S100A13: variants seen among roughly 807,000 people sequenced by gnomAD.
S100A13 encodes the protein protein S100-A13.
Under a neutral mutation model 8.2 loss-of-function variants are expected in S100A13, and 6 were observed. The ratio of observed to expected loss-of-function variants is 0.73; its 90% CI spans 0.40 to 1.44. S100A13 has a LOEUF of 1.44. Ranked by LOEUF, S100A13 falls within the 40% of genes most tolerant of loss-of-function variation. The probability of loss-of-function intolerance (pLI) is 0.02; values close to 1 mark genes in which losing one functional copy is unlikely to be tolerated. For synonymous variants in S100A13, 39 were observed against 45.9 expected (o/e 0.85, Z 0.61); for missense variants, 114 against 113.6 (o/e 1.00, Z -0.02).
upstream of S100A13, chr1:153,627,939 C>T (rs1571296246): frequency 4.7e-6 from 6 of 1,263,936 alleles, no homozygotes; most frequent in East Asian, 1.5e-4. Context: ...CAGAGAACCC[C>T]AGGCTGAGGC....
chr1:153,631,556 TGAG>T (rs759032451), upstream of S100A13: 5 of 1,613,828 alleles, frequency 3.1e-6, no homozygotes, highest in South Asian at 4.4e-5. Context: ...TCAAGACCTT[TGAG>T]GAGGCCTAGA....
upstream of S100A13, chr1:153,630,770 T>G: frequency 7.1e-7 from 1 of 1,410,770 alleles, no homozygotes; most frequent in Non-Finnish European, 9.6e-7. Flanking sequence ...CCTAGCCTCT[T>G]TCTTTCCTTT....
upstream of S100A13, chr1:153,631,709 T>G: frequency 1.2e-6 from 2 of 1,614,118 alleles, no homozygotes; most frequent in South Asian, 2.2e-5. Flanking sequence ...CCCAGAAGGA[T>G]GTGGATGCTG....
intron 2 of S100A13, among the ~76,000 whole-genome samples, chr1:153,625,806 T>C (rs539011687): frequency 3.9e-5 from 6 of 152,318 alleles, no homozygotes; most frequent in Non-Finnish European, 7.4e-5. Context: ...CACTGGCACA[T>C]AGTATCTTTG....
upstream of S100A13, chr1:153,627,970 C>A: frequency 6.8e-7 from 1 of 1,468,530 alleles, no homozygotes; most frequent in Non-Finnish European, 9.2e-7. Flanking sequence ...GAGGGGGATC[C>A]AGGTTGAGAC....
upstream of S100A13, chr1:153,628,142 G>A (rs1020518222): frequency 3.9e-6 from 6 of 1,550,468 alleles, no homozygotes; most frequent in Non-Finnish European, 3.5e-6. Flanking sequence ...AGCACAGCCA[G>A]CCACAGGTAC....
intron 2 of S100A13, among the ~76,000 whole-genome samples, chr1:153,625,885 G>A (rs1667583623): frequency 6.6e-6 from 1 of 152,208 alleles, no homozygotes; most frequent in Admixed American, 6.5e-5. Context: ...ACTCACAACC[G>A]GGTCAGGCGC....
chr1:153,631,878 C>T (rs200713973), upstream of S100A13: 115 of 1,601,818 alleles, frequency 7.2e-5, no homozygotes, highest in African/African-American at 1.4e-3. Flanking sequence ...TTCCTCTCCA[C>T]CCTCCCAGAC....
At chr1:153,627,760 C>G (rs1358417197), upstream of S100A13, among the ~76,000 whole-genome samples, 1 of 152,120 alleles carries the variant, frequency 6.6e-6, no homozygotes, top group African/African-American at 2.4e-5. Flanking sequence ...CCTCTCAATA[C>G]TGGGGGCTGC....
upstream of S100A13, chr1:153,628,222 C>A: frequency 2.6e-6 from 4 of 1,547,224 alleles, no homozygotes; most frequent in Non-Finnish European, 3.5e-6. Flanking sequence ...CTTTCCCCTG[C>A]ACCATCCACT....
At chr1:153,630,382 G>A (rs1667933927), upstream of S100A13, 2 of 1,165,392 alleles carry the variant, frequency 1.7e-6, no homozygotes, top group South Asian at 1.6e-5. Context: ...AAGATCAATT[G>A]CAGTAGGGCT....
At chr1:153,632,664 C>G (rs1488976242), upstream of S100A13, among the ~76,000 whole-genome samples, 2 of 152,034 alleles carry the variant, frequency 1.3e-5, no homozygotes, top group African/African-American at 2.4e-5. Context: ...GCAAAATAAC[C>G]ACGATCCTTA....
At position 153,618,907 on chromosome 1, in the gene S100A13, G is replaced by A; in HGVS notation, c.285C>T (p.Ile95=). The change falls in exon 3 of 3, where the codon ATC becomes ATT. Residue 95 remains isoleucine (I), a synonymous_variant. Coordinates refer to ENST00000476133, the MANE Select transcript of S100A13 (RefSeq NM_001024211.2). ...KEIRKKKDLK[I]RKK ...CAGCCAGGCGGCTTTACTTCTTCCT[G>A]ATCTTCAGGTCTTTCTTCTTCCTGA... The A allele has an allele frequency of 6.2e-7, 1 of 1,614,024 alleles. No individual in the cohort carries two copies. Among genetic ancestry groups the A allele is most frequent in the Non-Finnish European group, 8.5e-7 (1 of 1,179,996 alleles).
chr1:153,634,047 G>C (rs1343942537), upstream of S100A13: 3 of 152,710 alleles, frequency 2.0e-5, no homozygotes, highest in Non-Finnish European at 2.9e-5. Context: ...CATTTTAGCC[G>C]GTCAGACAAG....
At chr1:153,630,972 T>G (rs1571302436), upstream of S100A13, 2 of 418,152 alleles carry the variant, frequency 4.8e-6, no homozygotes, top group East Asian at 7.9e-5. Context: ...CACAGAGCCT[T>G]AACAGATGTA....
At chr1:153,631,671 C>T (rs754900136), upstream of S100A13, 5 of 1,613,872 alleles carry the variant, frequency 3.1e-6, no homozygotes, top group African/African-American at 5.3e-5. Context: ...CCCTATACAC[C>T]TCCCTCTTCC....
chr1:153,630,050 G>A (rs952675890), upstream of S100A13: 2 of 175,656 alleles, frequency 1.1e-5, no homozygotes, highest in African/African-American at 4.7e-5. Flanking sequence ...CAGAAGGAAG[G>A]CTGTAGTGGA....
chr1:153,625,041 C>T (rs764440184), intron 2 of S100A13, among the ~76,000 whole-genome samples: 3 of 152,142 alleles, frequency 2.0e-5, no homozygotes, highest in Non-Finnish European at 4.4e-5. Context: ...CACCATTGCA[C>T]TCCAGCCTCG....
At chr1:153,624,309 G>T (rs1012534521) in intron 2 of S100A13, among the ~76,000 whole-genome samples, 10 of 152,184 alleles carry the variant, frequency 6.6e-5, no homozygotes, top group African/African-American at 2.4e-4. Flanking sequence ...GATGTTGGAT[G>T]AATTGTCTGT....
Sources: allele counts gnomAD v4.1 joint callset (sites outside exome capture counted in the v4.1 genomes callset), GRCh38; gene constraint gnomAD v4.1.1; transcripts MANE v1.5; gene names NCBI Gene and HGNC (gene_info 2026-07-23, HGNC 2026-07-21).